Variants in ALK observed in about 807,000 individuals in gnomAD.
ALK encodes the protein ALK receptor tyrosine kinase.
Under a neutral mutation model 163.1 loss-of-function variants are expected in ALK, and 74 were observed. The observed-to-expected ratio is 0.45, with a 90% confidence interval of 0.38 to 0.55. The LOEUF is 0.55. Ranked by LOEUF, ALK falls within the 20% of genes least tolerant of loss-of-function variation. ALK has a pLI of 0.00. For missense variants in ALK, 2,063 were observed against 2,105.3 expected, an observed-to-expected ratio of 0.98 and a Z score of 0.39; for synonymous variants, 960 against 843.2, an observed-to-expected ratio of 1.14 and a Z score of -2.40.
intron 6 of ALK, among the ~76,000 whole-genome samples, chr2:29,324,595 G>A (rs909835811): frequency 6.6e-6 from 1 of 152,184 alleles, no homozygotes; most frequent in Non-Finnish European, 1.5e-5. Flanking sequence ...AGATTATCAA[G>A]TCCATGGGGG....
chr2:29,870,529 G>A (rs1371536506), intron 1 of ALK, among the ~76,000 whole-genome samples: 3 of 151,968 alleles, frequency 2.0e-5, no homozygotes, highest in Non-Finnish European at 4.4e-5. Flanking sequence ...ATTGGGGTGG[G>A]GACATAGAGC....
intron 19 of ALK, chr2:29,224,656 G>A (rs533633765): frequency 4.0e-5 from 9 of 223,888 alleles, no homozygotes; most frequent in South Asian, 1.8e-4. Flanking sequence ...GCAATGGACC[G>A]ACCGTGATCA....
At chr2:29,662,558 A>G (rs1677381832) in intron 3 of ALK, among the ~76,000 whole-genome samples, 1 of 152,164 alleles carries the variant, frequency 6.6e-6, no homozygotes, top group Admixed American at 6.5e-5. Flanking sequence ...CAGAGAAAGA[A>G]TTTACATCGA....
intron 1 of ALK, among the ~76,000 whole-genome samples, chr2:29,863,463 G>GA (rs1269088690): frequency 6.6e-6 from 1 of 152,058 alleles, no homozygotes; most frequent in African/African-American, 2.4e-5. Context: ...CAAATGACCT[G>GA]AAAAGGTATT....
intron 4 of ALK, among the ~76,000 whole-genome samples, chr2:29,440,467 C>A (rs1426881416): frequency 6.6e-6 from 1 of 151,960 alleles, no homozygotes; most frequent in African/African-American, 2.4e-5. Flanking sequence ...CAGGCATCTG[C>A]CACCACACCC....
intron 8 of ALK, among the ~76,000 whole-genome samples, chr2:29,317,135 G>C (rs903036960): frequency 1.3e-5 from 2 of 152,178 alleles, no homozygotes; most frequent in Admixed American, 1.3e-4. Flanking sequence ...CTGTCCCTCT[G>C]CTGGCCACAG....
At chr2:29,203,696 G>C (rs1355008967) in intron 26 of ALK, among the ~76,000 whole-genome samples, 1 of 151,350 alleles carries the variant, frequency 6.6e-6, no homozygotes, top group Non-Finnish European at 1.5e-5. Flanking sequence ...ATCTTGGCCA[G>C]GCTGGTCTCG....
chr2:29,678,293 A>G (rs1367261078), intron 3 of ALK, among the ~76,000 whole-genome samples: 2 of 151,744 alleles, frequency 1.3e-5, no homozygotes, highest in Non-Finnish European at 2.9e-5. Context: ...TTTTTATTTC[A>G]TGGATTTCTA....
chr2:29,871,126 A>C (rs1048993628), intron 1 of ALK, among the ~76,000 whole-genome samples: 1 of 152,190 alleles, frequency 6.6e-6, no homozygotes, highest in Non-Finnish European at 1.5e-5. Flanking sequence ...CATTGGCTTT[A>C]GGAAAGTTGA....
chr2:29,833,887 A>C (rs568867034), intron 1 of ALK, among the ~76,000 whole-genome samples: 1 of 152,336 alleles, frequency 6.6e-6, no homozygotes, highest in South Asian at 2.1e-4. Flanking sequence ...TGGAAGCTTA[A>C]TTACATGATT....
chr2:29,591,654 G>A (rs1372850682), intron 3 of ALK, among the ~76,000 whole-genome samples: 32 of 152,168 alleles, frequency 2.1e-4, no homozygotes, highest in Admixed American at 2.1e-3. Context: ...AGAGAGAAGA[G>A]GGAGGCAAGG....
intron 3 of ALK, among the ~76,000 whole-genome samples, chr2:29,693,562 A>G (rs1005321405): frequency 5.9e-5 from 9 of 152,218 alleles, no homozygotes; most frequent in South Asian, 4.1e-4. Flanking sequence ...GAAAGTGTAT[A>G]GAAAGGAAAG....
At chr2:29,682,975 C>T (rs968226209) in intron 3 of ALK, among the ~76,000 whole-genome samples, 3 of 152,184 alleles carry the variant, frequency 2.0e-5, no homozygotes, top group African/African-American at 7.2e-5. Context: ...CAAGTAAACA[C>T]AGCATCTCGC....
At chr2:29,727,504 T>C (rs1355611534) in intron 1 of ALK, among the ~76,000 whole-genome samples, 1 of 152,216 alleles carries the variant, frequency 6.6e-6, no homozygotes, top group African/African-American at 2.4e-5. Context: ...CTTAACCTTT[T>C]TCAAGCTTTG....
chr2:29,863,450 G>C (rs56394535), intron 1 of ALK, among the ~76,000 whole-genome samples: 1 of 152,204 alleles, frequency 6.6e-6, no homozygotes, highest in East Asian at 1.9e-4. Flanking sequence ...ATTTAAAAAT[G>C]AGCAAATGAC....
Position 29,506,745 on chromosome 2 carries a change from C to CA in ALK, c.1154+25169dup, listed in dbSNP as rs199967581. The stretch of plus-strand genomic sequence containing the variant: ...TGGGTGACGGAGCAAGACTCCGTCT[C>CA]AAAAACAAAACAAAAAAAAAAAGTT... On this transcript the variant is annotated intron_variant, in intron 4 of 28. Transcript: ENST00000389048. Among the ~76,000 whole-genome samples, 51 of 104,574 alleles carry CA rather than the reference C, an allele frequency of 4.9e-4. 2 individuals are homozygous for CA. Among genetic ancestry groups the CA allele is most frequent in the African/African-American group, 1.7e-3 (47 of 27,544 alleles). 68.6% of individuals were successfully genotyped at this position (104,574 alleles called of 152,430 possible).
chr2:29,449,309 TG>T (rs1670765167), intron 4 of ALK, among the ~76,000 whole-genome samples: 3 of 152,288 alleles, frequency 2.0e-5, no homozygotes, highest in South Asian at 2.1e-4. Context: ...CAATGTCCTC[TG>T]GGGGTCTACA....
Position 29,672,842 on chromosome 2 carries a change from T to C in ALK, c.952+22008A>G, listed in dbSNP as rs1234354869. 1.1e-4 allele frequency among the ~76,000 whole-genome samples: 15 copies of C among 137,344 alleles called. No individual in the cohort carries two copies. The South Asian group carries it at 3.6e-3, about 33-fold the overall frequency. The allele number at this position is 137,344 out of a possible 152,430, so 90.1% of individuals were successfully genotyped here. The stretch of plus-strand genomic sequence containing the variant: ...TCCACATCCTCTCCAGCACCTGTTG[T>C]TTCCTGACTTTTTAATGATTGCCAT... On this transcript the variant is annotated intron_variant, in intron 3 of 28. Coordinates refer to ENST00000389048, the MANE Select transcript of ALK (RefSeq NM_004304.5).
intron 3 of ALK, among the ~76,000 whole-genome samples, chr2:29,641,205 G>T (rs1158387951): frequency 1.3e-5 from 2 of 152,118 alleles, no homozygotes; most frequent in Non-Finnish European, 2.9e-5. Context: ...TTTAATGCCA[G>T]TTCACAGTTC....
Sources: gnomAD v4.1 joint callset for allele counts (sites outside exome capture counted in the v4.1 genomes callset) on GRCh38, gnomAD v4.1.1 for gene constraint, MANE v1.5 for transcripts, NCBI Gene and HGNC (gene_info 2026-07-23, HGNC 2026-07-21) for gene names.